Variants in AGPAT5 observed in about 807,000 individuals in gnomAD.
AGPAT5 encodes the protein 1-acyl-sn-glycerol-3-phosphate acyltransferase epsilon.
Under a neutral mutation model 45.6 loss-of-function variants are expected in AGPAT5, and 46 were observed. The ratio of observed to expected loss-of-function variants is 1.01; its 90% confidence interval spans 0.80 to 1.29. AGPAT5 has a LOEUF of 1.29. Among genes scored for constraint, AGPAT5 ranks in the 50% most tolerant of loss-of-function variants. AGPAT5 has a pLI of 0.00. For synonymous variants in AGPAT5, 272 were observed against 167.0 expected, an observed-to-expected ratio of 1.63 and a Z score of -4.85; for missense variants, 673 against 450.7, an observed-to-expected ratio of 1.49 and a Z score of -4.47.
At chr8:6,744,340 A>C (rs1464658650) in intron 5 of AGPAT5, among the ~76,000 whole-genome samples, 5 of 152,214 alleles carry the variant, frequency 3.3e-5, no homozygotes, top group Admixed American at 2.0e-4. Flanking sequence ...TTGTGTGGTA[A>C]CGGCACTCTC....
intron 1 of AGPAT5, among the ~76,000 whole-genome samples, chr8:6,710,183 A>G (rs1277036689): frequency 6.6e-6 from 1 of 152,182 alleles, no homozygotes; most frequent in East Asian, 1.9e-4. Context: ...AAGAGGACAC[A>G]ATATGATGCA....
intron 5 of AGPAT5, among the ~76,000 whole-genome samples, chr8:6,746,708 T>G (rs1468833323): frequency 1.3e-5 from 2 of 152,240 alleles, no homozygotes; most frequent in African/African-American, 4.8e-5. Context: ...AAACCTCTTG[T>G]GTGGGACAGT....
rs367932714 is a variant in AGPAT5 at position 6,708,878 on chromosome 8, C to T, written c.210C>T (p.Thr70=). 1.2e-5 allele frequency: 20 copies of T among 1,604,664 alleles called. No individual in the cohort carries two copies. The highest frequency in any genetic ancestry group is 1.4e-5 in the Non-Finnish European group (17 of 1,176,382). ...SMVLFFFENY[T]GVQILLYGDL... ...TGCTCTTCTTCTTCGAGAATTACACCGGGGTCCAGGTGAGCCGCCTCCCGC... is the reference window on the plus strand; with the variant it reads ...TGCTCTTCTTCTTCGAGAATTACACTGGGGTCCAGGTGAGCCGCCTCCCGC... Residue 70 remains threonine, a synonymous_variant, in exon 1 of 8, where the codon ACC becomes ACT. Transcript: ENST00000285518.
At chr8:6,756,733 A>T (rs1187070853) in intron 7 of AGPAT5, among the ~76,000 whole-genome samples, 1 of 151,992 alleles carries the variant, frequency 6.6e-6, no homozygotes, top group Admixed American at 6.6e-5. Flanking sequence ...GTATCCTGGG[A>T]CCAGCCCCCT....
chr8:6,720,861 T>C (rs554879855), intron 1 of AGPAT5, among the ~76,000 whole-genome samples: 1 of 152,350 alleles, frequency 6.6e-6, no homozygotes, highest in East Asian at 1.9e-4. Context: ...TGTGTCTCAT[T>C]GATCTCATTG....
At chr8:6,743,718 A>G (rs917126556) in intron 5 of AGPAT5, among the ~76,000 whole-genome samples, 1 of 150,734 alleles carries the variant, frequency 6.6e-6, no homozygotes, top group African/African-American at 2.4e-5. Context: ...GGGATGTGGA[A>G]TTAAATGTAT....
rs1801661322 is a variant in AGPAT5, at chr8:6,751,735, A to T, written c.746-3316A>T. 5.9e-5 allele frequency among the ~76,000 whole-genome samples: 9 copies of T among 151,994 alleles called. No homozygotes were observed. In the South Asian group the frequency reaches 1.9e-3, roughly 32 times the overall value. ...TGATTTTTTTTTAATTATTTTTCTG[A>T]AGTGGCTGTTGTAATGTAATAAATT... On this transcript the variant is annotated intron_variant, in intron 6 of 7. Transcript: ENST00000285518.
rs1001296178 is a variant in AGPAT5 at position 6,715,475 on chromosome 8, T to C, written c.219+6588T>C. Among the ~76,000 whole-genome samples the C allele has an allele frequency of 2.0e-5, 3 of 152,328 alleles. No homozygotes were observed. In the South Asian group the frequency reaches 6.2e-4, roughly 32 times the overall value. ...TAGTAACACACTCAGTCGCAGTTAG[T>C]GAGTGCTGCTGTGTGCAAGTATTGT... On this transcript the variant is annotated intron_variant, in intron 1 of 7. Coordinates refer to ENST00000285518, the MANE Select transcript of AGPAT5 (RefSeq NM_018361.5).
intron 2 of AGPAT5, 152 bp downstream of exon 2, chr8:6,725,091 C>G (rs1259802175): frequency 6.3e-6 from 2 of 319,656 alleles, no homozygotes; most frequent in African/African-American, 4.3e-5. Flanking sequence ...TGTGATTTTA[C>G]TTTTTGGAAA....
At chr8:6,750,145 C>G (rs1226711518) in intron 6 of AGPAT5, among the ~76,000 whole-genome samples, 2 of 152,270 alleles carry the variant, frequency 1.3e-5, no homozygotes, top group Non-Finnish European at 2.9e-5. Flanking sequence ...CAGCATAGCA[C>G]TGTGCCTTCT....
chr8:6,757,390 C>T lies in AGPAT5; in HGVS notation c.*2C>T. 1 of 1,612,490 alleles carries T rather than the reference C, an allele frequency of 6.2e-7. No homozygotes were observed. The highest frequency in any genetic ancestry group is 8.5e-7 in the Non-Finnish European group (1 of 1,178,552). ...CTGTGGGTTACTATTAAAGCATAGACAAGTAGCTGTCTCCAGACAGTGGGA... is the reference window on the plus strand; with the variant it reads ...CTGTGGGTTACTATTAAAGCATAGATAAGTAGCTGTCTCCAGACAGTGGGA... On this transcript the variant is annotated 3_prime_UTR_variant, in exon 8 of 8. Transcript: ENST00000285518.
chr8:6,725,665 C>T (rs1243235472), intron 2 of AGPAT5, among the ~76,000 whole-genome samples: 2 of 152,218 alleles, frequency 1.3e-5, no homozygotes, highest in East Asian at 3.9e-4. Flanking sequence ...TAATTCAGCC[C>T]TCCAAAAAAA....
intron 5 of AGPAT5, among the ~76,000 whole-genome samples, chr8:6,743,910 A>G (rs1336306525): frequency 1.3e-5 from 2 of 152,108 alleles, no homozygotes; most frequent in Non-Finnish European, 2.9e-5. Context: ...TAGAATTTCC[A>G]TGTTATTCAT....
intron 1 of AGPAT5, among the ~76,000 whole-genome samples, chr8:6,713,696 G>A (rs766765858): frequency 1.3e-5 from 2 of 150,090 alleles, no homozygotes; most frequent in African/African-American, 5.0e-5. Flanking sequence ...TGGGACTACA[G>A]GTACACAGCA....
At chr8:6,744,343 G>C (rs1422114040) in intron 5 of AGPAT5, among the ~76,000 whole-genome samples, 2 of 152,152 alleles carry the variant, frequency 1.3e-5, no homozygotes, top group East Asian at 3.8e-4. Flanking sequence ...TGTGGTAACG[G>C]CACTCTCGCT....
rs1200582584 is a variant in AGPAT5 at position 6,757,295 on chromosome 8, C to T, written c.1002C>T (p.Gly334=). The change falls in exon 8 of 8, where the codon GGC becomes GGT. Residue 334 remains glycine (G), a synonymous_variant. Coordinates refer to ENST00000285518, the MANE Select transcript of AGPAT5 (RefSeq NM_018361.5). The part of the protein sequence containing the change: ...SMLILSGLTA[G]MLMTDAGRKL... ...TGATCTTAAGTGGTTTGACTGCAGG[C>T]ATGCTTATGACCGATGCTGGAAGGA... is the stretch of plus-strand genomic sequence containing the variant. 6.2e-7 allele frequency: 1 copy of T among 1,614,194 alleles called. No homozygotes were observed. The highest frequency in any genetic ancestry group is 8.5e-7 in the Non-Finnish European group (1 of 1,180,028).
intron 1 of AGPAT5, among the ~76,000 whole-genome samples, chr8:6,713,963 A>C (rs1002353831): frequency 2.6e-5 from 4 of 152,180 alleles, no homozygotes; most frequent in African/African-American, 9.7e-5. Flanking sequence ...CTAAACTCCT[A>C]ATGAGTTAAA....
At chr8:6,746,663 G>C (rs1033967621) in intron 5 of AGPAT5, among the ~76,000 whole-genome samples, 19 of 152,196 alleles carry the variant, frequency 1.2e-4, no homozygotes, top group African/African-American at 4.1e-4. Context: ...GTGCTTGTGG[G>C]AATCTTTGTC....
intron 6 of AGPAT5, among the ~76,000 whole-genome samples, chr8:6,750,269 G>A (rs1053148273): frequency 2.6e-5 from 4 of 152,174 alleles, no homozygotes; most frequent in Non-Finnish European, 4.4e-5. Context: ...AGTGCCTTGA[G>A]GAAGCCAAAA....
Sources: gnomAD v4.1 joint callset for allele counts (sites outside exome capture counted in the v4.1 genomes callset) on GRCh38, gnomAD v4.1.1 for gene constraint, MANE v1.5 for transcripts, NCBI Gene and HGNC (gene_info 2026-07-23, HGNC 2026-07-21) for gene names.